The following GRK5 variants were observed in gnomAD, a reference collection of about 807,000 sequenced individuals.
GRK5 encodes g protein-coupled receptor kinase GRK5.
GRK5 carries 40 observed loss-of-function variants against 78.4 expected under a neutral mutation model. The ratio of observed to expected loss-of-function variants is 0.51; its 90% CI spans 0.40 to 0.66. The LOEUF is 0.66. GRK5 is among the 30% of genes least tolerant of loss of function. GRK5 has a pLI of 0.00. For synonymous variants in GRK5, 289 were observed against 296.8 expected (o/e 0.97, Z 0.27); for missense variants, 598 against 759.9 (o/e 0.79, Z 2.50).
chr10:119,241,157 C>T (rs1419238995), intron 1 of GRK5, among the ~76,000 whole-genome samples: 1 of 152,198 alleles, frequency 6.6e-6, no homozygotes, highest in Non-Finnish European at 1.5e-5. Context: ...TAGCCCTCCT[C>T]CTCCGGCCTC....
intron 1 of GRK5, among the ~76,000 whole-genome samples, chr10:119,226,404 C>T (rs1848742178): frequency 6.7e-6 from 1 of 149,548 alleles, no homozygotes; most frequent in Non-Finnish European, 1.5e-5. Flanking sequence ...CTTTGCCTCC[C>T]AGGTTCAAGC....
intron 2 of GRK5, chr10:119,333,058 T>G (rs4751711): frequency 1 from 152,124 of 152,332 alleles, 75,958 homozygotes; most frequent in Non-Finnish European, 1. Flanking sequence ...GTCTTGCCTG[T>G]TTCACTATGA....
rs140708516 is a variant in GRK5 at position 119,322,495 on chromosome 10, T to C, written c.53-4021T>C. On this transcript the variant is annotated intron_variant, in intron 1 of 15. Coordinates refer to ENST00000392870, the MANE Select transcript of GRK5 (RefSeq NM_005308.3). The stretch of plus-strand genomic sequence containing the variant: ...TCTGTCTTCCCTGCTAGCGACACTG[T>C]GTCCGGCACCTGCAGAGGGCCTGCC... 4.2e-3 allele frequency among the ~76,000 whole-genome samples: 646 copies of C among 152,384 alleles called. 9 individuals are homozygous for C. The highest frequency in any genetic ancestry group is 0.015 in the African/African-American group (623 of 41,594).
chr10:119,399,129 G>A (rs1451118602), intron 4 of GRK5, among the ~76,000 whole-genome samples: 2 of 152,208 alleles, frequency 1.3e-5, no homozygotes, highest in East Asian at 1.9e-4. Context: ...CAGCTCAGAC[G>A]GTTTTACAAG....
rs1028011734 is a variant in GRK5, at chr10:119,320,884, C to T, written c.53-5632C>T. On this transcript the variant is annotated intron_variant, in intron 1 of 15. Transcript: ENST00000392870. ...CCCTTGTAGGCCTAACACCCCTCCC[C>T]AGCAGTGAGGTGGGCCTAGGGCAGC... Among the ~76,000 whole-genome samples the T allele has an allele frequency of 3.3e-5, 5 of 152,242 alleles. No individual in the cohort carries two copies. The South Asian group carries it at 8.3e-4, about 25-fold the overall frequency.
intron 1 of GRK5, among the ~76,000 whole-genome samples, chr10:119,274,101 G>C (rs1480894357): frequency 6.6e-6 from 1 of 152,184 alleles, no homozygotes; most frequent in Non-Finnish European, 1.5e-5. Context: ...ATAAGTGAGA[G>C]AGCCCTGAGG....
At chr10:119,293,011 C>G (rs1408827667) in intron 1 of GRK5, among the ~76,000 whole-genome samples, 1 of 152,166 alleles carries the variant, frequency 6.6e-6, no homozygotes, top group Non-Finnish European at 1.5e-5. Context: ...AGGCACTGCA[C>G]TCAGCATTTG....
rs1849457312 is a variant in GRK5 at position 119,264,273 on chromosome 10, C to T, written c.52+56304C>T. On this transcript the variant is annotated intron_variant, in intron 1 of 15. Coordinates refer to ENST00000392870, the MANE Select transcript of GRK5 (RefSeq NM_005308.3). The surrounding 1 kb of genome is among the most constrained non-coding windows in gnomAD (Gnocchi z 4.1). ...CTTTCCATTACAGGTGACAGAAGCTCAACTCCAACTAGCTTAAGCAAAACA... is the reference window on the plus strand; with the variant it reads ...CTTTCCATTACAGGTGACAGAAGCTTAACTCCAACTAGCTTAAGCAAAACA... Among the ~76,000 whole-genome samples the T allele has an allele frequency of 2.6e-5, 4 of 152,306 alleles. No individual in the cohort carries two copies. The South Asian group carries it at 8.3e-4, about 32-fold the overall frequency.
At chr10:119,318,984 G>GT (rs1180645343) in intron 1 of GRK5, among the ~76,000 whole-genome samples, 1 of 152,178 alleles carries the variant, frequency 6.6e-6, no homozygotes, top group Non-Finnish European at 1.5e-5. Context: ...GTAGCTCACT[G>GT]TGACAAGTGC....
intron 11 of GRK5, among the ~76,000 whole-genome samples, chr10:119,442,552 G>A (rs1214740281): frequency 1.3e-5 from 2 of 152,236 alleles, no homozygotes; most frequent in African/African-American, 4.8e-5. Flanking sequence ...TCTGCTCTGA[G>A]ACCAGCGTCC....
intron 1 of GRK5, among the ~76,000 whole-genome samples, chr10:119,220,736 G>T (rs1848643836): frequency 6.6e-6 from 1 of 151,898 alleles, no homozygotes; most frequent in Non-Finnish European, 1.5e-5. Context: ...TTGGGAGGCT[G>T]AGACAGGAGA....
intron 3 of GRK5, among the ~76,000 whole-genome samples, chr10:119,385,053 G>A (rs1021725392): frequency 1.3e-5 from 2 of 152,026 alleles, no homozygotes; most frequent in Non-Finnish European, 2.9e-5. Context: ...TGGTGAAAGG[G>A]TGTTACAGGC....
chr10:119,334,020 G>A (rs1850829940), intron 2 of GRK5, among the ~76,000 whole-genome samples: 2 of 152,222 alleles, frequency 1.3e-5, no homozygotes, highest in South Asian at 2.1e-4. Context: ...CTCCATTGCT[G>A]TAGCAGCATG....
chr10:119,362,649 C>T (rs942638216), intron 2 of GRK5, among the ~76,000 whole-genome samples: 4 of 152,316 alleles, frequency 2.6e-5, no homozygotes, highest in African/African-American at 9.6e-5. Context: ...GATACGAACA[C>T]GTGCTTTTGA....
At chr10:119,369,358 C>T (rs1461036345) in intron 2 of GRK5, among the ~76,000 whole-genome samples, 1 of 152,198 alleles carries the variant, frequency 6.6e-6, no homozygotes, top group Non-Finnish European at 1.5e-5. Context: ...CAGTGGTCAT[C>T]ACTGACCAAG....
chr10:119,448,855 A>G (rs1853214482), intron 13 of GRK5, among the ~76,000 whole-genome samples: 1 of 152,158 alleles, frequency 6.6e-6, no homozygotes, highest in Non-Finnish European at 1.5e-5. Context: ...AGTCCCCTAC[A>G]TGGTCTATAA....
At position 119,430,970 on chromosome 10, in the gene GRK5, G is replaced by A. The variant is rs1852806007; in HGVS notation, c.598-417G>A. Among the ~76,000 whole-genome samples the A allele has an allele frequency of 6.6e-6, 1 of 152,188 alleles. No homozygotes were observed. The highest frequency in any genetic ancestry group is 1.5e-5 in the Non-Finnish European group (1 of 68,032). ...GCTAAGACTTAAGCCCAAATGCTTT[G>A]GTTCCCGCTTATCTGGATTATGAAG... On this transcript the variant is annotated intron_variant, in intron 7 of 15. Coordinates refer to ENST00000392870, the MANE Select transcript of GRK5 (RefSeq NM_005308.3). This position sits in a 1 kb window ranked among gnomAD's most constrained non-coding sequence, Gnocchi z 4.5.
At chr10:119,304,470 C>G (rs1313999718) in intron 1 of GRK5, among the ~76,000 whole-genome samples, 1 of 152,010 alleles carries the variant, frequency 6.6e-6, no homozygotes, top group Non-Finnish European at 1.5e-5. Context: ...TTGCTGCTGT[C>G]TGTTGAGTGC....
At chr10:119,246,645 T>TCTGGAGGCCACATTCAAGAAGTGGC (rs1849118459) in intron 1 of GRK5, among the ~76,000 whole-genome samples, 1 of 152,226 alleles carries the variant, frequency 6.6e-6, no homozygotes, top group African/African-American at 2.4e-5. Flanking sequence ...CAAGAAGTGG[T>TCTGGAGGCCACATTCAAGAAGTGGC]GTCTGGAGGC....
Sources: gnomAD v4.1 joint callset for allele counts (sites outside exome capture counted in the v4.1 genomes callset) on GRCh38, gnomAD v4.1.1 for gene constraint, Gnocchi (gnomAD v3.1) non-coding constraint, MANE v1.5 for transcripts, NCBI Gene and HGNC (gene_info 2026-07-23, HGNC 2026-07-21) for gene names.